Variants in BRF1 observed in about 807,000 individuals in gnomAD.
BRF1 encodes transcription factor IIIB 90 kDa subunit.
A neutral mutation model predicts 81.7 loss-of-function variants in BRF1; 59 were observed. That is an observed-to-expected ratio of 0.72 (90% CI 0.59 to 0.90). BRF1 has a LOEUF of 0.90. Among genes scored for constraint, BRF1 ranks in the 40% least tolerant of loss-of-function variants. The pLI is 0.00. For synonymous variants in BRF1, 491 were observed against 395.6 expected, an observed-to-expected ratio of 1.24 and a Z score of -2.86; for missense variants, 1,050 against 936.3, an observed-to-expected ratio of 1.12 and a Z score of -1.58.
upstream of BRF1, among the ~76,000 whole-genome samples, chr14:105,304,484 A>T (rs2058123109): frequency 6.6e-6 from 1 of 152,114 alleles, no homozygotes; most frequent in African/African-American, 2.4e-5. Context: ...GTGAAACTCC[A>T]TCTCACAATA....
chr14:105,249,116 G>GCGCGCGCCCA (rs760463697), intron 5 of BRF1: 13 of 1,506,348 alleles, frequency 8.6e-6, no homozygotes, highest in African/African-American at 1.4e-5. Flanking sequence ...CCCCGCGCCC[G>GCGCGCGCCCA]CGCGCGCCCA....
At position 105,250,424 on chromosome 14, in the gene BRF1, A is replaced by G; in HGVS notation, c.544+2083T>C. On this transcript the variant is annotated intron_variant, in intron 5 of 17. Coordinates refer to ENST00000547530, the MANE Select transcript of BRF1 (RefSeq NM_001519.4). Reference sequence around the variant, plus strand: ...GGTGGTTCTGGCTCAGAACTTGACCAAGTTCATGTCAGACGGATCCAGTAA... The same window carrying G: ...GGTGGTTCTGGCTCAGAACTTGACCGAGTTCATGTCAGACGGATCCAGTAA... 6.2e-7 allele frequency: 1 copy of G among 1,613,976 alleles called. No homozygotes were observed. The highest frequency in any genetic ancestry group is 1.3e-5 in the African/African-American group (1 of 75,068).
chr14:105,247,272 G>A (rs1368336406), intron 5 of BRF1: 3 of 985,402 alleles, frequency 3.0e-6, no homozygotes, highest in Non-Finnish European at 3.6e-6. Flanking sequence ...TTGGCCGTGC[G>A]GAGTTACGCA....
intron 14 of BRF1, among the ~76,000 whole-genome samples, chr14:105,218,513 C>G (rs1374189159): frequency 1.3e-5 from 2 of 152,170 alleles, no homozygotes; most frequent in Non-Finnish European, 2.9e-5. Context: ...GGAACTGGCT[C>G]CCCGTGTTTT....
At chr14:105,265,682 G>A (rs1259277962) in intron 3 of BRF1, among the ~76,000 whole-genome samples, 1 of 151,970 alleles carries the variant, frequency 6.6e-6, no homozygotes, top group African/African-American at 2.4e-5. Flanking sequence ...TGGATCACGA[G>A]GTCAGGAGAT....
chr14:105,300,675 AG>A lies in BRF1; in HGVS notation c.-47del. ...CGCCCGGAGCCTCCCAAGACTCTCA[AG>A]CCACCCGAGCCTCCGGAGCAGCCCG... On this transcript the variant is annotated 5_prime_UTR_variant, in exon 1 of 18. Coordinates refer to ENST00000547530, the MANE Select transcript of BRF1 (RefSeq NM_001519.4). 1 of 1,268,004 alleles carries A rather than the reference AG, an allele frequency of 7.9e-7. No individual in the cohort carries two copies. Among genetic ancestry groups the A allele is most frequent in the South Asian group, 2.8e-5 (1 of 36,008 alleles). The allele number at this position is 1,268,004 out of a possible 1,614,324, so 78.5% of individuals were successfully genotyped here.
In BRF1 at chr14:105,241,301, G is replaced by C; in HGVS notation, c.658C>G (p.His220Asp). The stretch of plus-strand genomic sequence containing the variant: ...AGGCCCGAGGGGCGCCGGCCTGTGT[G>C]CATCCAGTCCCGCTTCATCCTCTGT... ...LLQRMKRDWM[H>D]TGRRPSGLCG... The change falls in exon 6 of 18, where the codon CAC (histidine) becomes GAC (aspartate). Residue 220 changes from histidine to aspartate, a missense_variant. Physicochemically the swap from His to Asp is moderately conservative, Grantham distance 81. Coordinates refer to ENST00000547530, the MANE Select transcript of BRF1 (RefSeq NM_001519.4). The C allele has an allele frequency of 6.2e-7, 1 of 1,612,586 alleles. No individual in the cohort carries two copies. The highest frequency in any genetic ancestry group is 1.1e-5 in the South Asian group (1 of 91,086).
intron 1 of BRF1, among the ~76,000 whole-genome samples, chr14:105,294,184 T>C (rs2057637296): frequency 1.3e-5 from 2 of 152,188 alleles, no homozygotes; most frequent in Non-Finnish European, 2.9e-5. Context: ...AGGCACCACC[T>C]GCGCCGGTCC....
chr14:105,314,433 T>G (rs1286482950), intron 1 of BRF1: 1 of 139,504 alleles, frequency 7.2e-6, no homozygotes, highest in Non-Finnish European at 1.5e-5. Flanking sequence ...CCCACGACTC[T>G]CCCGGCCCTT....
At position 105,284,074 on chromosome 14, in the gene BRF1, G is replaced by A. The variant is rs587673251; in HGVS notation, c.265+2222C>T. On this transcript the variant is annotated intron_variant, in intron 2 of 17. Coordinates refer to ENST00000547530, the MANE Select transcript of BRF1 (RefSeq NM_001519.4). This position sits in a 1 kb window ranked among gnomAD's most constrained non-coding sequence, Gnocchi z 4.0. ...ATGCACACTCTCGGTGGCAGACACAGAGAACCAGCCAGTGGAGAGGAAGAG... is the reference window on the plus strand; with the variant it reads ...ATGCACACTCTCGGTGGCAGACACAAAGAACCAGCCAGTGGAGAGGAAGAG... Among the ~76,000 whole-genome samples, 544 of 151,484 alleles carry A rather than the reference G, an allele frequency of 3.6e-3. 5 individuals are homozygous for A. The highest frequency in any genetic ancestry group is 0.011 in the African/African-American group (438 of 41,272).
At chr14:105,225,820 G>T (rs775657692) in intron 10 of BRF1, among the ~76,000 whole-genome samples, 18 of 152,018 alleles carry the variant, frequency 1.2e-4, no homozygotes, top group Non-Finnish European at 2.5e-4. Context: ...GCTAATTTTT[G>T]CATTTGTAGT....
intron 1 of BRF1, among the ~76,000 whole-genome samples, chr14:105,311,632 C>T (rs1375833110): frequency 6.6e-6 from 1 of 152,124 alleles, no homozygotes; most frequent in East Asian, 1.9e-4. Flanking sequence ...CTCACCTAAC[C>T]CTGTTCTACT....
intron 1 of BRF1, chr14:105,314,695 C>T (rs1198628992): frequency 3.5e-5 from 5 of 142,024 alleles, no homozygotes; most frequent in Non-Finnish European, 6.2e-5. Context: ...GCGGGGCGGC[C>T]GGGGGCGCGC....
At chr14:105,261,511 C>T (rs955914523) in intron 3 of BRF1, among the ~76,000 whole-genome samples, 6 of 152,158 alleles carry the variant, frequency 3.9e-5, no homozygotes, top group African/African-American at 1.4e-4. Context: ...GCTGGCTGCA[C>T]GATGCTTGCA....
intron 15 of BRF1, among the ~76,000 whole-genome samples, chr14:105,214,358 C>A (rs926237835): frequency 3.3e-5 from 5 of 152,018 alleles, no homozygotes; most frequent in Non-Finnish European, 5.9e-5. Context: ...GCCCGAGTGA[C>A]CACAGAGTGA....
At chr14:105,245,649 G>T (rs945173614) in intron 5 of BRF1, among the ~76,000 whole-genome samples, 1 of 152,142 alleles carries the variant, frequency 6.6e-6, no homozygotes, top group East Asian at 1.9e-4. Context: ...TTCAACAAGG[G>T]TGACAAGAAC....
chr14:105,241,285 G>A lies in BRF1; in HGVS notation c.674C>T (p.Pro225Leu). Residue 225 changes from proline to leucine, a missense_variant, in exon 6 of 18, where the codon CCC (proline) becomes CTC (leucine). Pro to Leu is a moderately conservative substitution (Grantham distance 98). Transcript: ENST00000547530. Reference sequence around the variant, plus strand: ...TGTACCTGCTCCGCAGAGGCCCGAGGGGCGCCGGCCTGTGTGCATCCAGTC... The same window carrying A: ...TGTACCTGCTCCGCAGAGGCCCGAGAGGCGCCGGCCTGTGTGCATCCAGTC... Reference protein sequence around the residue: ...KRDWMHTGRRPSGLCGAALLV... With the variant: ...KRDWMHTGRRLSGLCGAALLV... 3 of 1,612,164 alleles carry A rather than the reference G, an allele frequency of 1.9e-6. No individual in the cohort carries two copies. The highest frequency in any genetic ancestry group is 1.1e-5 in the South Asian group (1 of 91,078).
At chr14:105,226,973 G>A in intron 7 of BRF1, 2 of 570,874 alleles carry the variant, frequency 3.5e-6, no homozygotes, top group Admixed American at 3.3e-5. Flanking sequence ...AATTAGCCAC[G>A]CATGGTGGTA....
At chr14:105,259,434 ACT>A (rs2056045076) in intron 3 of BRF1, among the ~76,000 whole-genome samples, 3 of 152,232 alleles carry the variant, frequency 2.0e-5, no homozygotes, top group Admixed American at 1.3e-4. Flanking sequence ...ACAGAGTGAG[ACT>A]CTGTCTCTAA....
Sources: gnomAD v4.1 joint callset for allele counts (sites outside exome capture counted in the v4.1 genomes callset) on GRCh38, gnomAD v4.1.1 for gene constraint, Gnocchi (gnomAD v3.1) non-coding constraint, MANE v1.5 for transcripts, NCBI Gene and HGNC (gene_info 2026-07-23, HGNC 2026-07-21) for gene names.